ZNF385D: variants seen among roughly 807,000 people sequenced by gnomAD.
The protein encoded by ZNF385D is zinc finger protein 385D, also known as zinc finger protein 659.
In ZNF385D, 15 loss-of-function variants were observed where a neutral mutation model predicts 35.8. The ratio of observed to expected loss-of-function variants is 0.42; its 90% CI spans 0.28 to 0.64. The LOEUF is 0.64. ZNF385D is among the 30% of genes least tolerant of loss of function. The probability of loss-of-function intolerance (pLI) is 0.23; values close to 1 mark genes in which losing one functional copy is unlikely to be tolerated. For missense variants in ZNF385D, 474 were observed against 494.6 expected, an observed-to-expected ratio of 0.96 and a Z score of 0.39; for synonymous variants, 212 against 186.8, an observed-to-expected ratio of 1.13 and a Z score of -1.10.
At chr3:22,058,000 GTGAATGAATAAA>G (rs1553600785) in intron 3 of ZNF385D, among the ~76,000 whole-genome samples, 5 of 152,192 alleles carry the variant, frequency 3.3e-5, no homozygotes, top group Non-Finnish European at 7.3e-5. Context: ...TGGAAAATAA[GTGAATGAATAAA>G]TGAATGAATG....
At chr3:22,221,783 A>G (rs1420202630) in intron 2 of ZNF385D, among the ~76,000 whole-genome samples, 1 of 152,180 alleles carries the variant, frequency 6.6e-6, no homozygotes. Context: ...AGCTAGAATT[A>G]AAACTAAATT....
At chr3:21,626,648 G>A (rs1444166280) in intron 2 of ZNF385D, among the ~76,000 whole-genome samples, 1 of 152,096 alleles carries the variant, frequency 6.6e-6, no homozygotes, top group Non-Finnish European at 1.5e-5. Context: ...CTGAAGGCAT[G>A]GCTGAGTAGG....
rs966181333 is a variant in ZNF385D at position 21,471,313 on chromosome 3, A to T, written c.440-34110T>A. 2.4e-4 allele frequency among the ~76,000 whole-genome samples: 32 copies of T among 135,158 alleles called. 1 individual carries two copies. Among genetic ancestry groups the T allele is most frequent in the African/African-American group, 7.3e-4 (27 of 37,118 alleles). The allele number at this position is 135,158 out of a possible 152,430, so 88.7% of individuals were successfully genotyped here. A position where few individuals can be genotyped will look rare whatever the true frequency, so the allele number is the denominator to read the frequency against. On this transcript the variant is annotated intron_variant, in intron 4 of 7. Transcript: ENST00000281523. The stretch of plus-strand genomic sequence containing the variant: ...CTCTCTCTCACACACACACACACAC[A>T]CACACACACACACACACACACACCT...
At chr3:21,485,297 G>T (rs1446085141) in intron 4 of ZNF385D, among the ~76,000 whole-genome samples, 1 of 152,130 alleles carries the variant, frequency 6.6e-6, no homozygotes, top group East Asian at 1.9e-4. Flanking sequence ...TCACTTACTT[G>T]ATAAAGCTGG....
intron 2 of ZNF385D, among the ~76,000 whole-genome samples, chr3:22,298,799 A>C (rs1575068443): frequency 6.6e-6 from 1 of 151,710 alleles, no homozygotes; most frequent in East Asian, 1.9e-4. Flanking sequence ...AGAATCAATA[A>C]ATAAATTGTT....
At chr3:21,801,215 T>C (rs1253403066) in intron 3 of ZNF385D, among the ~76,000 whole-genome samples, 1 of 152,118 alleles carries the variant, frequency 6.6e-6, no homozygotes, top group Admixed American at 6.6e-5. Flanking sequence ...AGCTGTTGGA[T>C]TTGGTTTACT....
In ZNF385D at chr3:21,675,550, C is replaced by T. The variant is rs570786303; in HGVS notation, c.23-10522G>A. On this transcript the variant is annotated intron_variant, in intron 1 of 7. Transcript: ENST00000281523. ...GCTTCCAGAGTGTAAGTTCTTATAT[C>T]TACATTTTGTTCAGAGATTGCCCTT... Among the ~76,000 whole-genome samples the T allele has an allele frequency of 1.0e-3, 157 of 152,126 alleles. 1 individual carries two copies. The highest frequency in any genetic ancestry group is 3.5e-3 in the African/African-American group (146 of 41,534).
At chr3:21,888,642 C>T (rs1698678980) in intron 3 of ZNF385D, among the ~76,000 whole-genome samples, 2 of 151,976 alleles carry the variant, frequency 1.3e-5, no homozygotes, top group South Asian at 2.1e-4. Context: ...TTTCAGGAAG[C>T]TTGGCTAAAA....
intron 2 of ZNF385D, among the ~76,000 whole-genome samples, chr3:21,598,779 A>G (rs776591307): frequency 3.9e-5 from 6 of 152,240 alleles, no homozygotes; most frequent in Admixed American, 2.0e-4. Flanking sequence ...AAAACACCCA[A>G]TGAGTTTCAC....
At chr3:22,153,317 A>G (rs140975692) in intron 3 of ZNF385D, among the ~76,000 whole-genome samples, 3 of 152,184 alleles carry the variant, frequency 2.0e-5, no homozygotes, top group African/African-American at 7.2e-5. Context: ...TGGTCTCACC[A>G]GTGGCCATTG....
chr3:21,817,523 C>G (rs186761494), intron 3 of ZNF385D, among the ~76,000 whole-genome samples: 1 of 152,154 alleles, frequency 6.6e-6, no homozygotes, highest in South Asian at 2.1e-4. Flanking sequence ...AGGATATGAA[C>G]AGACACTTCT....
intron 2 of ZNF385D, among the ~76,000 whole-genome samples, chr3:22,342,739 G>A (rs960364134): frequency 5.3e-5 from 8 of 152,174 alleles, no homozygotes; most frequent in Non-Finnish European, 1.2e-4. Context: ...AACAAGCAAA[G>A]AATATAGAAA....
At chr3:21,548,329 T>C (rs1385824349) in intron 3 of ZNF385D, among the ~76,000 whole-genome samples, 6 of 152,216 alleles carry the variant, frequency 3.9e-5, no homozygotes, top group Non-Finnish European at 8.8e-5. Context: ...TGAGTGCTTC[T>C]TTCATTTATT....
chr3:21,828,415 T>C (rs1481468111), intron 3 of ZNF385D, among the ~76,000 whole-genome samples: 1 of 152,120 alleles, frequency 6.6e-6, no homozygotes, highest in African/African-American at 2.4e-5. Flanking sequence ...TTGGTGCCCA[T>C]TAGAGAAATA....
upstream of ZNF385D, among the ~76,000 whole-genome samples, chr3:21,753,624 G>A (rs1291474840): frequency 6.6e-6 from 1 of 152,152 alleles, no homozygotes; most frequent in East Asian, 1.9e-4. Flanking sequence ...AGGCTTATCT[G>A]GAATGTAGAA....
chr3:22,044,408 T>A (rs1276661914), intron 3 of ZNF385D, among the ~76,000 whole-genome samples: 1 of 152,074 alleles, frequency 6.6e-6, no homozygotes, highest in Non-Finnish European at 1.5e-5. Flanking sequence ...TTTGGCCCAC[T>A]GTGTTTGGGG....
chr3:21,966,865 T>C (rs1384142992), intron 3 of ZNF385D, among the ~76,000 whole-genome samples: 3 of 152,234 alleles, frequency 2.0e-5, no homozygotes, highest in African/African-American at 4.8e-5. Context: ...ATAGGGATTA[T>C]AGCGCTGCGA....
At position 22,105,999 on chromosome 3, in the gene ZNF385D, A is replaced by G. The variant is rs191223916; in HGVS notation, c.325+62818T>C. ...AACTTTCATATTACTTTAATCATAA[A>G]TAAGTTTTAGTAAATACAGTAGTAT... is the stretch of plus-strand genomic sequence containing the variant. On this transcript the variant is annotated intron_variant, in intron 3 of 5. Coordinates refer to the ZNF385D transcript ENST00000494108. Among the ~76,000 whole-genome samples the G allele has an allele frequency of 2.6e-5, 4 of 152,274 alleles. No individual in the cohort carries two copies. The East Asian group carries it at 5.8e-4, about 22-fold the overall frequency.
chr3:22,296,303 G>A (rs768882304), intron 2 of ZNF385D, among the ~76,000 whole-genome samples: 21 of 152,226 alleles, frequency 1.4e-4, no homozygotes, highest in Non-Finnish European at 2.9e-4. Context: ...TGGCATTAGC[G>A]GGGATGGTTT....
Sources: allele counts gnomAD v4.1 joint callset (sites outside exome capture counted in the v4.1 genomes callset), GRCh38; gene constraint gnomAD v4.1.1; transcripts MANE v1.5; gene names NCBI Gene and HGNC (gene_info 2026-07-23, HGNC 2026-07-21).